The following PTPRE variants were observed in gnomAD, a reference collection of about 807,000 sequenced individuals.
The protein encoded by PTPRE is receptor-type tyrosine-protein phosphatase epsilon.
Under a neutral mutation model 102.0 loss-of-function variants are expected in PTPRE, and 51 were observed. The ratio of observed to expected loss-of-function variants is 0.50; its 90% CI spans 0.40 to 0.63. The LOEUF is 0.63. Among genes scored for constraint, PTPRE ranks in the 30% least tolerant of loss-of-function variants. The pLI, the probability that PTPRE is intolerant of heterozygous loss-of-function variation, is 0.00. For missense variants in PTPRE, 752 were observed against 915.1 expected, an observed-to-expected ratio of 0.82 and a Z score of 2.30; for synonymous variants, 345 against 348.2, an observed-to-expected ratio of 0.99 and a Z score of 0.10.
chr10:128,063,838 G>A (rs774864974), intron 10 of PTPRE, among the ~76,000 whole-genome samples: 3 of 152,120 alleles, frequency 2.0e-5, no homozygotes, highest in African/African-American at 4.8e-5. Flanking sequence ...GCCTGGGTGC[G>A]GGGGTGGGGT....
chr10:127,967,442 TG>T (rs1454503534), intron 1 of PTPRE, among the ~76,000 whole-genome samples: 1 of 152,124 alleles, frequency 6.6e-6, no homozygotes, highest in African/African-American at 2.4e-5. Flanking sequence ...TCACGAGATC[TG>T]ATGGTTTTAT....
At chr10:128,056,473 C>T (rs980563378) in intron 7 of PTPRE, among the ~76,000 whole-genome samples, 4 of 152,190 alleles carry the variant, frequency 2.6e-5, no homozygotes, top group South Asian at 2.1e-4. Context: ...TGCCTGGGGC[C>T]CAGCGGGTAA....
chr10:127,977,560 C>A (rs1037263658), intron 1 of PTPRE, among the ~76,000 whole-genome samples: 3 of 152,162 alleles, frequency 2.0e-5, no homozygotes, highest in Non-Finnish European at 4.4e-5. Flanking sequence ...TTCCTTTTGT[C>A]CGAGTTTGGA....
At chr10:127,915,462 G>A (rs1846140554) in intron 1 of PTPRE, among the ~76,000 whole-genome samples, 1 of 152,336 alleles carries the variant, frequency 6.6e-6, no homozygotes, top group East Asian at 1.9e-4. Flanking sequence ...GCTCATAGCA[G>A]CCCTTCGTTC....
chr10:127,962,046 A>C (rs913765715), intron 1 of PTPRE, among the ~76,000 whole-genome samples: 7 of 152,198 alleles, frequency 4.6e-5, no homozygotes, highest in Non-Finnish European at 7.3e-5. Flanking sequence ...TAATTTCATC[A>C]AACAATAGGA....
chr10:127,947,919 A>C (rs995138825), intron 1 of PTPRE, among the ~76,000 whole-genome samples: 1 of 152,136 alleles, frequency 6.6e-6, no homozygotes, highest in South Asian at 2.1e-4. Flanking sequence ...CCCTAATTAG[A>C]GGGGTTGAGC....
At chr10:128,052,169 C>A (rs965887874) in intron 6 of PTPRE, among the ~76,000 whole-genome samples, 1 of 152,234 alleles carries the variant, frequency 6.6e-6, no homozygotes, top group Non-Finnish European at 1.5e-5. Flanking sequence ...CTGGAGCCTG[C>A]CATGGCCAGC....
chr10:128,050,639 AT>A (rs143806943), intron 6 of PTPRE, among the ~76,000 whole-genome samples: 1 of 152,240 alleles, frequency 6.6e-6, no homozygotes, highest in African/African-American at 2.4e-5. Flanking sequence ...AAGAGGATAG[AT>A]TTTCAGCAGG....
At chr10:128,066,640 A>C (rs1384127768) in intron 11 of PTPRE, among the ~76,000 whole-genome samples, 1 of 152,254 alleles carries the variant, frequency 6.6e-6, no homozygotes, top group Non-Finnish European at 1.5e-5. Flanking sequence ...GAGAGAGATC[A>C]GTAAAAATAT....
chr10:128,033,708 A>G (rs1003554237), intron 2 of PTPRE, among the ~76,000 whole-genome samples: 1 of 152,226 alleles, frequency 6.6e-6, no homozygotes, highest in Non-Finnish European at 1.5e-5. Context: ...GCAGTGGCAC[A>G]ATCTCGGCTC....
chr10:127,945,741 T>C (rs1436282383), intron 1 of PTPRE, among the ~76,000 whole-genome samples: 1 of 152,104 alleles, frequency 6.6e-6, no homozygotes, highest in Non-Finnish European at 1.5e-5. Context: ...AGTGATATGT[T>C]TTCCTCCTCA....
At chr10:128,057,656 CTG>C (rs1476579724) in intron 7 of PTPRE, among the ~76,000 whole-genome samples, 1 of 152,196 alleles carries the variant, frequency 6.6e-6, no homozygotes, top group Non-Finnish European at 1.5e-5. Context: ...CCAATGAAAA[CTG>C]GGAGAAATTC....
intron 2 of PTPRE, among the ~76,000 whole-genome samples, chr10:128,011,163 T>C (rs1844979562): frequency 6.6e-6 from 1 of 152,160 alleles, no homozygotes; most frequent in African/African-American, 2.4e-5. Flanking sequence ...GAAAAGTCCA[T>C]TTGGGTGTTA....
rs556316041 is a variant in PTPRE, at chr10:127,984,729, A to G, written c.-8+2433A>G. ...TCTGATGGTTTTTTAAGGGGTTTCC[A>G]CTTAACTTCTTCCTCATTCTCTTCT... is the stretch of plus-strand genomic sequence containing the variant. On this transcript the variant is annotated intron_variant, in intron 2 of 20. Coordinates refer to ENST00000254667, the MANE Select transcript of PTPRE (RefSeq NM_006504.6). 7.2e-5 allele frequency among the ~76,000 whole-genome samples: 11 copies of G among 152,228 alleles called. No individual in the cohort carries two copies. The East Asian group carries it at 1.7e-3, about 24-fold the overall frequency.
chr10:128,073,307 A>G, intron 16 of PTPRE, 30 bp from the exon 17 acceptor site: 1 of 1,612,694 alleles, frequency 6.2e-7, no homozygotes, highest in South Asian at 1.1e-5. Flanking sequence ...GAAGGAAGTC[A>G]GACTCTAACC....
chr10:128,063,592 G>C (rs921752194), intron 10 of PTPRE, among the ~76,000 whole-genome samples: 1 of 152,132 alleles, frequency 6.6e-6, no homozygotes, highest in Non-Finnish European at 1.5e-5. Context: ...GAAAACGTTG[G>C]TATATTGAAG....
chr10:128,008,074 C>G lies in PTPRE; in HGVS notation c.-8+25778C>G, dbSNP rs1181809260. Among the ~76,000 whole-genome samples the G allele has an allele frequency of 6.6e-6, 1 of 152,202 alleles. No homozygotes were observed. Among genetic ancestry groups the G allele is most frequent in the South Asian group, 2.1e-4 (1 of 4,836 alleles). The stretch of plus-strand genomic sequence containing the variant: ...AGCTTCCTCCAGGAAGAAGGCATCT[C>G]TCACCACTGGGGAGGCACAGGAGGC... On this transcript the variant is annotated intron_variant, in intron 2 of 20. Coordinates refer to ENST00000254667, the MANE Select transcript of PTPRE (RefSeq NM_006504.6). This position sits in a 1 kb window ranked among gnomAD's most constrained non-coding sequence, Gnocchi z 4.0.
intron 1 of PTPRE, among the ~76,000 whole-genome samples, chr10:127,938,545 G>A (rs771820406): frequency 5.4e-4 from 82 of 152,014 alleles, no homozygotes; most frequent in Non-Finnish European, 9.4e-4. Flanking sequence ...AGGCTAGCTT[G>A]GGCAATTTTG....
intron 2 of PTPRE, among the ~76,000 whole-genome samples, chr10:128,003,837 C>T (rs920134251): frequency 1.1e-4 from 17 of 152,028 alleles, no homozygotes; most frequent in Admixed American, 9.8e-4. Flanking sequence ...CAGAAAGGAA[C>T]AAAGTTTAGC....
Sources: allele counts gnomAD v4.1 joint callset (sites outside exome capture counted in the v4.1 genomes callset), GRCh38; gene constraint gnomAD v4.1.1; non-coding constraint Gnocchi (gnomAD v3.1); transcripts MANE v1.5; gene names NCBI Gene and HGNC (gene_info 2026-07-23, HGNC 2026-07-21).